Variants in RPS6KA2 observed in about 807,000 individuals in gnomAD.
RPS6KA2 encodes the protein ribosomal protein S6 kinase A2, also known as ribosomal protein S6 kinase alpha-2.
Under a neutral mutation model 91.8 loss-of-function variants are expected in RPS6KA2, and 42 were observed. The observed-to-expected ratio is 0.46, with a 90% CI of 0.36 to 0.59. RPS6KA2 has a LOEUF of 0.59. Ranked by LOEUF, RPS6KA2 falls within the 20% of genes least tolerant of loss-of-function variation. The pLI, the probability that RPS6KA2 is intolerant of heterozygous loss-of-function variation, is 0.00. For missense variants in RPS6KA2, 798 were observed against 978.5 expected, an observed-to-expected ratio of 0.82 and a Z score of 2.46; for synonymous variants, 414 against 393.6, an observed-to-expected ratio of 1.05 and a Z score of -0.61.
intron 16 of RPS6KA2, among the ~76,000 whole-genome samples, chr6:166,430,075 A>C (rs891682111): frequency 8.6e-5 from 13 of 150,782 alleles, no homozygotes; most frequent in Admixed American, 7.9e-4. Flanking sequence ...CTCCTGCCTC[A>C]GCCTCCCGAG....
At chr6:166,856,351 C>A (rs551434977) in intron 2 of RPS6KA2, among the ~76,000 whole-genome samples, 1 of 152,160 alleles carries the variant, frequency 6.6e-6, no homozygotes, top group African/African-American at 2.4e-5. Context: ...AGGGTAAAGA[C>A]GGCTGGCCAT....
chr6:166,623,066 C>T (rs1046036869), intron 1 of RPS6KA2, among the ~76,000 whole-genome samples: 1 of 152,244 alleles, frequency 6.6e-6, no homozygotes, highest in South Asian at 2.1e-4. Context: ...GGTAGAGTCT[C>T]GCATTTTGTC....
chr6:166,675,062 G>A (rs764003131), intron 2 of RPS6KA2, among the ~76,000 whole-genome samples: 2 of 152,216 alleles, frequency 1.3e-5, no homozygotes, highest in Admixed American at 6.5e-5. Flanking sequence ...AACGAATCAG[G>A]TCCTGTGGTT....
At chr6:166,552,934 C>T (rs775699007) in intron 1 of RPS6KA2, among the ~76,000 whole-genome samples, 4 of 152,180 alleles carry the variant, frequency 2.6e-5, no homozygotes, top group Admixed American at 6.5e-5. Context: ...TGGCTCTCTA[C>T]GGATTCTGCA....
At chr6:166,809,066 G>A (rs924402871) in intron 2 of RPS6KA2, among the ~76,000 whole-genome samples, 5 of 152,136 alleles carry the variant, frequency 3.3e-5, no homozygotes, top group African/African-American at 1.2e-4. Flanking sequence ...AGCTCAGAGA[G>A]AGACCACATA....
intron 1 of RPS6KA2, 44 bp from the exon 2 acceptor site, chr6:166,538,828 C>T (rs1445957177): frequency 2.9e-6 from 3 of 1,039,176 alleles, no homozygotes; most frequent in African/African-American, 1.5e-5. Flanking sequence ...GCGAGGAGTC[C>T]CTCAGAGCCG....
rs141258499 is a variant in RPS6KA2 at position 166,526,997 on chromosome 6, G to A, written c.298+4235C>T. On this transcript the variant is annotated intron_variant, in intron 3 of 20. Transcript: ENST00000265678. ...TCCACATAACCATGGATCAGGAGCC[G>A]TTTCTCAAGGACACTGTGGACTGGA... Among the ~76,000 whole-genome samples the A allele has an allele frequency of 1.6e-3, 242 of 152,342 alleles. 1 individual carries two copies. The highest frequency in any genetic ancestry group is 4.5e-3 in the African/African-American group (187 of 41,582).
intron 1 of RPS6KA2, among the ~76,000 whole-genome samples, chr6:166,539,793 G>A (rs1451285427): frequency 1.3e-5 from 2 of 152,308 alleles, no homozygotes; most frequent in African/African-American, 2.4e-5. Context: ...CTGGAAAGGA[G>A]GTGTTTCTCC....
At position 166,554,044 on chromosome 6, in the gene RPS6KA2, C is replaced by G. The variant is rs1164867405; in HGVS notation, c.100-15260G>C. The stretch of plus-strand genomic sequence containing the variant: ...CCCGAGGCAGTGGCTGGAAACTGCA[C>G]CAAACCCTGTGTGTGTATCTGTCTA... On this transcript the variant is annotated intron_variant, in intron 1 of 20. Coordinates refer to ENST00000265678, the MANE Select transcript of RPS6KA2 (RefSeq NM_021135.6). The surrounding 1 kb of genome is among the most constrained non-coding windows in gnomAD (Gnocchi z 4.3). 6.6e-6 allele frequency among the ~76,000 whole-genome samples: 1 copy of G among 152,150 alleles called. No individual in the cohort carries two copies. Among genetic ancestry groups the G allele is most frequent in the African/African-American group, 2.4e-5 (1 of 41,448 alleles).
chr6:166,661,098 C>A (rs1788150350), intron 2 of RPS6KA2, among the ~76,000 whole-genome samples: 1 of 151,658 alleles, frequency 6.6e-6, no homozygotes, highest in South Asian at 2.1e-4. Context: ...TGGCCAAAAT[C>A]TTTTTCTTTT....
At chr6:166,631,180 C>T (rs561916171), upstream of RPS6KA2, among the ~76,000 whole-genome samples, 2 of 152,258 alleles carry the variant, frequency 1.3e-5, no homozygotes, top group African/African-American at 4.8e-5. Context: ...AGTCTTAATG[C>T]GTAAAAGTCT....
At chr6:166,856,693 G>A (rs6917560) in intron 2 of RPS6KA2, among the ~76,000 whole-genome samples, 39,506 of 152,088 alleles carry the variant, frequency 0.26, 6,583 homozygotes, top group African/African-American at 0.47. Flanking sequence ...AAAAGCCTAG[G>A]CAAGTATTCT....
intron 10 of RPS6KA2, among the ~76,000 whole-genome samples, chr6:166,480,480 T>TATATATATATATA (rs1491423354): frequency 2.8e-3 from 5 of 1,772 alleles, no homozygotes; most frequent in African/African-American, 9.1e-3. Context: ...ATTGTGATTT[T>TATATATATATATA]ATATATATAT....
intron 14 of RPS6KA2, among the ~76,000 whole-genome samples, chr6:166,444,928 G>T (rs1371982832): frequency 6.6e-6 from 1 of 152,184 alleles, no homozygotes; most frequent in Non-Finnish European, 1.5e-5. Context: ...AGTTAAAAAT[G>T]CAGCTGAAAA....
Position 166,649,969 on chromosome 6 carries a change from A to G in RPS6KA2, c.124-111185T>C, listed in dbSNP as rs1028192672. Among the ~76,000 whole-genome samples, 4 of 152,146 alleles carry G rather than the reference A, an allele frequency of 2.6e-5. No individual in the cohort carries two copies. The South Asian group carries it at 6.2e-4, about 24-fold the overall frequency. On this transcript the variant is annotated intron_variant, in intron 2 of 21. Transcript: ENST00000503859. ...AGTAGTGGGTCATTGCGGAGGGTAGAGAGAAGTAGTCTCTGAGTTAGTCTT... is the reference window on the plus strand; with the variant it reads ...AGTAGTGGGTCATTGCGGAGGGTAGGGAGAAGTAGTCTCTGAGTTAGTCTT...
intron 2 of RPS6KA2, among the ~76,000 whole-genome samples, chr6:166,778,188 G>A (rs927041617): frequency 2.6e-5 from 4 of 152,208 alleles, no homozygotes; most frequent in African/African-American, 4.8e-5. Flanking sequence ...TGCCACGGGC[G>A]CAGCAGAGCC....
chr6:166,687,019 G>A lies in RPS6KA2; in HGVS notation c.124-148235C>T, dbSNP rs142710077. Among the ~76,000 whole-genome samples the A allele has an allele frequency of 9.0e-4, 137 of 152,350 alleles. 1 individual carries two copies. The highest frequency in any genetic ancestry group is 3.3e-3 in the African/African-American group (136 of 41,566). Reference sequence around the variant, plus strand: ...GTCTGCGCCCATTCTCCATGCTATTGAGATAGCCATATGAAGACACAAGCC... The same window carrying A: ...GTCTGCGCCCATTCTCCATGCTATTAAGATAGCCATATGAAGACACAAGCC... On this transcript the variant is annotated intron_variant, in intron 2 of 21. Coordinates refer to the RPS6KA2 transcript ENST00000503859.
exon 1 of RPS6KA2, chr6:166,862,480 G>C: frequency 1.7e-5 from 14 of 847,910 alleles, no homozygotes; most frequent in Non-Finnish European, 2.1e-5. Flanking sequence ...GGAAAGGAGG[G>C]GACGGCGCTG....
chr6:166,430,540 G>T lies in RPS6KA2; in HGVS notation c.1494C>A (p.Ile498=), dbSNP rs748528794. The T allele has an allele frequency of 6.2e-7, 1 of 1,614,068 alleles. No individual in the cohort carries two copies. Among genetic ancestry groups the T allele is most frequent in the Admixed American group, 1.7e-5 (1 of 60,008 alleles). ...LMRGGELLDR[I]LRQRYFSERE... ...GCTCCGAGAAGTATCTCTGCCGGAGGATGCGGTCCAGGAGCTCCCCACCAC... is the reference window on the plus strand; with the variant it reads ...GCTCCGAGAAGTATCTCTGCCGGAGTATGCGGTCCAGGAGCTCCCCACCAC... The change falls in exon 16 of 21, where the codon ATC becomes ATA. Residue 498 remains isoleucine (I), a synonymous_variant. Transcript: ENST00000265678.
Sources: gnomAD v4.1 joint callset for allele counts (sites outside exome capture counted in the v4.1 genomes callset) on GRCh38, gnomAD v4.1.1 for gene constraint, Gnocchi (gnomAD v3.1) non-coding constraint, MANE v1.5 for transcripts, NCBI Gene and HGNC (gene_info 2026-07-23, HGNC 2026-07-21) for gene names.